Variants in RERE observed in about 807,000 individuals in gnomAD.
RERE encodes arginine-glutamic acid dipeptide repeats protein.
RERE carries 40 observed loss-of-function variants against 146.1 expected under a neutral mutation model. That is an observed-to-expected ratio of 0.27 (90% CI 0.21 to 0.36). The LOEUF (loss-of-function observed/expected upper bound fraction) is 0.36, where lower values mean the gene tolerates loss of function less well. Ranked by LOEUF, RERE falls within the 10% of genes least tolerant of loss-of-function variation. The probability of loss-of-function intolerance (pLI) is 1.00; values close to 1 mark genes in which losing one functional copy is unlikely to be tolerated. For synonymous variants in RERE, 1,003 were observed against 866.0 expected (o/e 1.16, Z -2.78); for missense variants, 1,933 against 2,138.7 (o/e 0.90, Z 1.90).
intron 7 of RERE, among the ~76,000 whole-genome samples, chr1:8,516,227 G>GAAACAAAAAAAAAAAAAAAAAAAAAAA (rs1645414142): frequency 1.9e-5 from 1 of 52,304 alleles, no homozygotes; most frequent in Non-Finnish European, 3.3e-5. Context: ...TCTCTCAGAG[G>GAAACAAAAAAAAAAAAAAAAAAAAAAA]AAAAAAAAAA....
chr1:8,789,301 A>AAAAAAAAAAAAAAAAATAT lies in RERE; in HGVS notation c.-145+27858_-145+27859insATATTTTTTTTTTTTTTTT. Among the ~76,000 whole-genome samples the AAAAAAAAAAAAAAAAATAT allele has an allele frequency of 2.0e-4, 5 of 24,812 alleles. 1 individual carries two copies. Among genetic ancestry groups the AAAAAAAAAAAAAAAAATAT allele is most frequent in the African/African-American group, 6.9e-4 (3 of 4,324 alleles). 16.3% of individuals were successfully genotyped at this position (24,812 alleles called of 152,430 possible). A position where few individuals can be genotyped will look rare whatever the true frequency, so the allele number is the denominator to read the frequency against. On this transcript the variant is annotated intron_variant, in intron 1 of 22. Transcript: ENST00000400908. ...CTCTACCAAAAAAAAAAAAAAAAAA[A>AAAAAAAAAAAAAAAAATAT]ATATATATATATATATATATATATG... is the stretch of plus-strand genomic sequence containing the variant.
At chr1:8,478,458 C>A (rs2124171727) in intron 10 of RERE, among the ~76,000 whole-genome samples, 1 of 152,208 alleles carries the variant, frequency 6.6e-6, no homozygotes, top group East Asian at 1.9e-4. Context: ...ATACACAGCC[C>A]AACAAATACC....
chr1:8,476,888 T>C (rs1644763759), intron 10 of RERE, among the ~76,000 whole-genome samples: 1 of 152,176 alleles, frequency 6.6e-6, no homozygotes, highest in Non-Finnish European at 1.5e-5. Context: ...AAAGGCAAAA[T>C]ATTATAGAAT....
At chr1:8,774,410 A>G (rs560418013) in intron 1 of RERE, among the ~76,000 whole-genome samples, 3 of 140,500 alleles carry the variant, frequency 2.1e-5, no homozygotes, top group East Asian at 2.1e-4. Flanking sequence ...CTGGAGTGCA[A>G]TGGCGCGATC....
At chr1:8,515,640 AAACAACAAC>A (rs373344787) in intron 7 of RERE, among the ~76,000 whole-genome samples, 2 of 151,814 alleles carry the variant, frequency 1.3e-5, no homozygotes, top group African/African-American at 4.8e-5. Flanking sequence ...AAAAACAAAC[AAACAACAAC>A]AACAACAACA....
chr1:8,656,493 A>C, intron 1 of RERE, 52 bp from the exon 2 acceptor site: 1 of 711,782 alleles, frequency 1.4e-6, no homozygotes, highest in Non-Finnish European at 2.2e-6. Flanking sequence ...TGTTTCCTAA[A>C]ATAATGTTTT....
At chr1:8,793,921 C>T (rs1641415297) in intron 1 of RERE, among the ~76,000 whole-genome samples, 1 of 151,966 alleles carries the variant, frequency 6.6e-6, no homozygotes, top group African/African-American at 2.4e-5. Context: ...AAAAAATTAG[C>T]CAAATGTGGT....
intron 4 of RERE, among the ~76,000 whole-genome samples, chr1:8,613,712 T>C (rs1241254817): frequency 6.6e-6 from 1 of 152,170 alleles, no homozygotes; most frequent in African/African-American, 2.4e-5. Context: ...GGCACCACAG[T>C]CACTTCTTTA....
At chr1:8,598,168 TG>T (rs1217465385) in intron 4 of RERE, among the ~76,000 whole-genome samples, 1 of 152,200 alleles carries the variant, frequency 6.6e-6, no homozygotes, top group East Asian at 1.9e-4. Flanking sequence ...ATTTCCTCGC[TG>T]GAATTATAAA....
intron 11 of RERE, among the ~76,000 whole-genome samples, chr1:8,433,714 C>T (rs1644128123): frequency 6.6e-6 from 1 of 151,738 alleles, no homozygotes; most frequent in South Asian, 2.1e-4. Flanking sequence ...GCGCCCGCCA[C>T]CGCGCCCGGC....
intron 1 of RERE, among the ~76,000 whole-genome samples, chr1:8,809,980 T>G (rs1482907535): frequency 3.3e-5 from 5 of 151,898 alleles, no homozygotes; most frequent in African/African-American, 1.2e-4. Flanking sequence ...GAGCACAGTT[T>G]GTTGTTTTTG....
At chr1:8,541,142 C>CACACAT (rs1645795319) in intron 7 of RERE, 72 bp downstream of exon 7, 3 of 800,146 alleles carry the variant, frequency 3.7e-6, no homozygotes, top group Middle Eastern at 2.4e-4. Flanking sequence ...TACACACACA[C>CACACAT]ACACATACAC....
At chr1:8,546,792 G>A (rs138016496) in intron 6 of RERE, among the ~76,000 whole-genome samples, 15 of 150,994 alleles carry the variant, frequency 9.9e-5, no homozygotes, top group Non-Finnish European at 1.8e-4. Context: ...AGGTTGCAGT[G>A]AGCCAAGATG....
chr1:8,385,993 A>AAAAAAAT (rs1553159741), intron 12 of RERE, among the ~76,000 whole-genome samples: 5 of 26,486 alleles, frequency 1.9e-4, no homozygotes, highest in Non-Finnish European at 3.5e-4. Flanking sequence ...AAAAAAAAAA[A>AAAAAAAT]ATATATATAT....
In RERE at chr1:8,508,240, A is replaced by T. The variant is rs529631586; in HGVS notation, c.879+387T>A. Among the ~76,000 whole-genome samples, 19 of 152,346 alleles carry T rather than the reference A, an allele frequency of 1.2e-4. 1 individual carries two copies. In the East Asian group the frequency reaches 3.5e-3, roughly 28 times the overall value. ...AAAAAGACAAATACTGTATGATTCC[A>T]TTCACATGAGGTACTTTTATGAGGC... On this transcript the variant is annotated intron_variant, in intron 8 of 22. Coordinates refer to ENST00000400908, the MANE Select transcript of RERE (RefSeq NM_001042681.2).
chr1:8,498,694 T>C (rs1645079752), intron 8 of RERE, among the ~76,000 whole-genome samples: 1 of 114,122 alleles, frequency 8.8e-6, no homozygotes, highest in African/African-American at 3.6e-5. Context: ...AGACTCCATC[T>C]CAAAAAAAAA....
chr1:8,484,616 T>C (rs1240234007), intron 10 of RERE, among the ~76,000 whole-genome samples: 2 of 151,918 alleles, frequency 1.3e-5, no homozygotes, highest in South Asian at 4.2e-4. Context: ...AGAGATGAGG[T>C]TTCACTATGT....
chr1:8,360,091 C>A, intron 18 of RERE, 21 bp downstream of exon 18: 1 of 1,580,168 alleles, frequency 6.3e-7, no homozygotes. Context: ...CTGACCCGTC[C>A]TGGAGCCCTA....
intron 7 of RERE, among the ~76,000 whole-genome samples, chr1:8,533,461 T>C (rs1456263845): frequency 6.6e-6 from 1 of 152,186 alleles, no homozygotes; most frequent in Non-Finnish European, 1.5e-5. Context: ...TCAAGGATAT[T>C]TTATCTGTGG....
Sources: allele counts gnomAD v4.1 joint callset (sites outside exome capture counted in the v4.1 genomes callset), GRCh38; gene constraint gnomAD v4.1.1; transcripts MANE v1.5; gene names NCBI Gene and HGNC (gene_info 2026-07-23, HGNC 2026-07-21).